The following HERC3 variants were observed in gnomAD, a reference collection of about 807,000 sequenced individuals.
HERC3 encodes HECT and RLD domain containing E3 ubiquitin protein ligase 3.
In HERC3, 58 loss-of-function variants were observed where a neutral mutation model predicts 129.9. The observed-to-expected ratio is 0.45, with a 90% confidence interval of 0.36 to 0.56. The LOEUF is 0.56. HERC3 is among the 20% of genes least tolerant of loss of function. The pLI, the probability that HERC3 is intolerant of heterozygous loss-of-function variation, is 0.00. For missense variants in HERC3, 835 were observed against 1,244.2 expected (o/e 0.67, Z 4.95); for synonymous variants, 430 against 451.0 (o/e 0.95, Z 0.59).
Position 88,707,941 on chromosome 4 carries a change from C to T in HERC3, c.*981C>T, listed in dbSNP as rs1047655204. The T allele has an allele frequency of 9.2e-5, 14 of 152,474 alleles. No homozygotes were observed. Among genetic ancestry groups the T allele is most frequent in the African/African-American group, 3.1e-4 (13 of 41,372 alleles). The allele number at this position is 152,474 out of a possible 1,614,324, so 9.4% of individuals were successfully genotyped here. A position where few individuals can be genotyped will look rare whatever the true frequency, so the allele number is the denominator to read the frequency against. On this transcript the variant is annotated 3_prime_UTR_variant, in exon 26 of 26. Coordinates refer to ENST00000402738, the MANE Select transcript of HERC3 (RefSeq NM_014606.3). ...GTCCTCCCTGATTTTCCTTTCGTTT[C>T]TTCTTTATTTTATCCCATTCTCTGT...
intron 2 of HERC3, among the ~76,000 whole-genome samples, chr4:88,604,257 G>A (rs879847139): frequency 6.6e-6 from 1 of 152,168 alleles, no homozygotes; most frequent in Admixed American, 6.5e-5. Flanking sequence ...GACCTCAGGT[G>A]GTCCGCCCGC....
At chr4:88,692,234 CAT>C (rs150168743) in intron 23 of HERC3, among the ~76,000 whole-genome samples, 2,764 of 151,406 alleles carry the variant, frequency 0.018, 75 homozygotes, top group African/African-American at 0.063. Context: ...GTGAAAAACC[CAT>C]ATGTCATTCT....
chr4:88,662,058 A>T (rs1730545727), intron 10 of HERC3, among the ~76,000 whole-genome samples: 1 of 152,148 alleles, frequency 6.6e-6, no homozygotes, highest in Non-Finnish European at 1.5e-5. Flanking sequence ...AGGAGGCAGG[A>T]TTGCGCAGAG....
intron 1 of HERC3, among the ~76,000 whole-genome samples, chr4:88,593,706 A>G (rs1014769826): frequency 6.6e-6 from 1 of 152,234 alleles, no homozygotes; most frequent in Non-Finnish European, 1.5e-5. Flanking sequence ...CTTTCCACAA[A>G]TAAGAAGCTA....
chr4:88,676,117 C>G (rs1732136439), intron 16 of HERC3, 101 bp from the exon 17 acceptor site: 2 of 833,146 alleles, frequency 2.4e-6, no homozygotes, highest in Non-Finnish European at 3.9e-6. Context: ...GGCCAGTAGT[C>G]AGATTGGTTC....
intron 3 of HERC3, among the ~76,000 whole-genome samples, chr4:88,622,716 G>C (rs1725673398): frequency 6.6e-6 from 1 of 152,128 alleles, no homozygotes; most frequent in African/African-American, 2.4e-5. Context: ...GGATCACAAG[G>C]TCAGGAGTTT....
chr4:88,625,562 G>A (rs912743830), intron 3 of HERC3, among the ~76,000 whole-genome samples: 2 of 151,914 alleles, frequency 1.3e-5, no homozygotes, highest in East Asian at 1.9e-4. Flanking sequence ...AGCTCTATTA[G>A]CTTTTTTCTG....
At chr4:88,695,025 G>T (rs1048011004) in intron 23 of HERC3, among the ~76,000 whole-genome samples, 1 of 151,986 alleles carries the variant, frequency 6.6e-6, no homozygotes, top group African/African-American at 2.4e-5. Context: ...TGTTTCAATC[G>T]TTTTTGCTTT....
At chr4:88,618,860 A>G (rs1311390654) in intron 3 of HERC3, among the ~76,000 whole-genome samples, 1 of 152,232 alleles carries the variant, frequency 6.6e-6, no homozygotes, top group Non-Finnish European at 1.5e-5. Flanking sequence ...TCAGAAAACA[A>G]CTAACACTAT....
chr4:88,697,256 C>T lies in HERC3; in HGVS notation c.2658-6842C>T. ...TCGGCGTGGGCATCGTCATGTTTGGCCCCCGCGGCAGCCTCTGCCGCAGCC... is the reference window on the plus strand; with the variant it reads ...TCGGCGTGGGCATCGTCATGTTTGGTCCCCGCGGCAGCCTCTGCCGCAGCC... On this transcript the variant is annotated intron_variant, in intron 23 of 25. Coordinates refer to ENST00000402738, the MANE Select transcript of HERC3 (RefSeq NM_014606.3). 13 of 1,558,864 alleles carry T rather than the reference C, an allele frequency of 8.3e-6. 1 individual carries two copies. The highest frequency in any genetic ancestry group is 1.1e-5 in the Non-Finnish European group (13 of 1,155,726).
the HERC3 span, chr4:88,583,901 G>A: frequency 2.0e-5 from 3 of 152,210 alleles, no homozygotes; most frequent in East Asian, 5.8e-4. Context: ...GGACTAGGAG[G>A]ATGCCAGAGC....
chr4:88,662,548 A>G lies in HERC3; in HGVS notation c.1264A>G (p.Thr422Ala). 1.2e-6 allele frequency: 2 copies of G among 1,606,634 alleles called. No individual in the cohort carries two copies. Among genetic ancestry groups the G allele is most frequent in the Non-Finnish European group, 1.7e-6 (2 of 1,178,124 alleles). Residue 422 changes from threonine to alanine, a missense_variant, in exon 11 of 26, where the codon ACA becomes GCA. Physicochemically the swap from Thr to Ala is moderately conservative, Grantham distance 58. Transcript: ENST00000402738. ...QKLSEHNNANTINGVVQILSS... is the reference protein window; with the variant it reads ...QKLSEHNNANAINGVVQILSS... The stretch of plus-strand genomic sequence containing the variant: ...ACTCTCAGAACACAACAATGCAAAT[A>G]CAATCAAGTATGTGGCTGCTTGTCT...
chr4:88,633,019 C>T (rs527756243), intron 3 of HERC3, among the ~76,000 whole-genome samples: 1 of 152,248 alleles, frequency 6.6e-6, no homozygotes, highest in South Asian at 2.1e-4. Context: ...TATAAGGAAA[C>T]AATGATTCAG....
upstream of HERC3, chr4:88,592,451 C>T (rs1440890844): frequency 6.6e-6 from 1 of 152,334 alleles, no homozygotes; most frequent in Non-Finnish European, 1.5e-5. Context: ...CAGCGCATTC[C>T]GCCGCCCGCA....
intron 3 of HERC3, among the ~76,000 whole-genome samples, chr4:88,606,823 A>G (rs1417162887): frequency 6.6e-6 from 1 of 152,190 alleles, no homozygotes; most frequent in East Asian, 1.9e-4. Flanking sequence ...GGAATTCAAG[A>G]TGAGATTTGG....
intron 23 of HERC3, chr4:88,696,343 C>G (rs1408196956): frequency 6.6e-6 from 1 of 152,630 alleles, no homozygotes; most frequent in African/African-American, 2.4e-5. Flanking sequence ...GTACATAACG[C>G]TGGATACACA....
At chr4:88,664,284 G>A in intron 12 of HERC3, 72 bp downstream of exon 12, 2 of 1,258,044 alleles carry the variant, frequency 1.6e-6, no homozygotes, top group Admixed American at 3.5e-5. Flanking sequence ...GGCTGACACA[G>A]GAGGATTGCT....
At chr4:88,699,028 C>T (rs59336164) in intron 23 of HERC3, among the ~76,000 whole-genome samples, 5,309 of 69,794 alleles carry the variant, frequency 0.076, 774 homozygotes, top group Non-Finnish European at 0.08. Flanking sequence ...TCACCCTCTT[C>T]ACCCTCTTCT....
Position 88,669,851 on chromosome 4 carries a change from T to G in HERC3, c.1634-9T>G. 1 of 1,607,398 alleles carries G rather than the reference T, an allele frequency of 6.2e-7. No homozygotes were observed. The highest frequency in any genetic ancestry group is 2.2e-5 in the East Asian group (1 of 44,772). ...CATGTTGAAATATGTCTTTTCTTTC[T>G]TTCTAAAGATAACTGGTGGTCTCAG... On this transcript the variant is annotated splice_polypyrimidine_tract_variant and intron_variant, in intron 14 of 25. Transcript: ENST00000402738.
Sources: allele counts gnomAD v4.1 joint callset (sites outside exome capture counted in the v4.1 genomes callset), GRCh38; gene constraint gnomAD v4.1.1; transcripts MANE v1.5; gene names NCBI Gene and HGNC (gene_info 2026-07-23, HGNC 2026-07-21).